Variants in TVP23C observed in about 807,000 individuals in gnomAD.
TVP23C encodes trans-golgi network vesicle protein 23 homolog C, also known as Golgi apparatus membrane protein TVP23 homolog C.
Under a neutral mutation model 28.7 loss-of-function variants are expected in TVP23C, and 19 were observed. The observed-to-expected ratio is 0.66, with a 90% CI of 0.46 to 0.97. The LOEUF is 0.97. Ranked by LOEUF, TVP23C falls within the 50% of genes least tolerant of loss-of-function variation. The pLI is 0.00. For missense variants in TVP23C, 186 were observed against 241.3 expected, an observed-to-expected ratio of 0.77 and a Z score of 1.52; for synonymous variants, 68 against 81.7, an observed-to-expected ratio of 0.83 and a Z score of 0.90.
At chr17:15,508,085 A>G (rs563968589) in intron 5 of TVP23C, among the ~76,000 whole-genome samples, 2 of 152,276 alleles carry the variant, frequency 1.3e-5, no homozygotes, top group South Asian at 4.1e-4. Context: ...GACCTTTGTA[A>G]ATACTTGTGG....
At position 15,520,368 on chromosome 17, in the gene TVP23C, G is replaced by A. The variant is rs1006036732; in HGVS notation, c.463-17136C>T. Among the ~76,000 whole-genome samples, 8 of 147,880 alleles carry A rather than the reference G, an allele frequency of 5.4e-5. No individual in the cohort carries two copies. The East Asian group carries it at 9.7e-4, about 18-fold the overall frequency. On this transcript the variant is annotated intron_variant, in intron 5 of 5. Transcript: ENST00000225576. The stretch of plus-strand genomic sequence containing the variant: ...ATGACATGGTTTCAGATCACCTAAC[G>A]TCCTCTGGGTTCCCTTTTTTGGGTC...
At chr17:15,551,669 T>C (rs1357090010) in intron 3 of TVP23C, among the ~76,000 whole-genome samples, 3 of 61,602 alleles carry the variant, frequency 4.9e-5, no homozygotes, top group Admixed American at 5.1e-4. Context: ...CATTATGAGA[T>C]TTTTTTGTGT....
Position 15,538,292 on chromosome 17 carries a change from A to G in TVP23C, c.*2120T>C, listed in dbSNP as rs1312301221. ...TTACATACAATGGCCCAATCACATT[A>G]AAAAGTAGACATGCTAGGCTGGGCG... On this transcript the variant is annotated 3_prime_UTR_variant, in exon 6 of 6. Coordinates refer to ENST00000518321, the MANE Select transcript of TVP23C (RefSeq NM_001135036.2). The G allele has an allele frequency of 2.1e-6, 3 of 1,462,418 alleles. No individual in the cohort carries two copies. Among genetic ancestry groups the G allele is most frequent in the African/African-American group, 2.9e-5 (2 of 69,840 alleles). 90.6% of individuals were successfully genotyped at this position (1,462,418 alleles called of 1,614,324 possible). A position where few individuals can be genotyped will look rare whatever the true frequency, so the allele number is the denominator to read the frequency against.
rs545501741 is a variant in TVP23C at position 15,530,537 on chromosome 17, C to T, written c.462+15248G>A. Among the ~76,000 whole-genome samples, 11 of 152,266 alleles carry T rather than the reference C, an allele frequency of 7.2e-5. No homozygotes were observed. In the East Asian group the frequency reaches 2.1e-3, roughly 29 times the overall value. On this transcript the variant is annotated intron_variant, in intron 5 of 5. Coordinates refer to the TVP23C transcript ENST00000225576. ...TGCTTTATGTAGTTGTCTTTTAGGTCAGACAGGAAAAGAATTACAAACAAA... is the reference window on the plus strand; with the variant it reads ...TGCTTTATGTAGTTGTCTTTTAGGTTAGACAGGAAAAGAATTACAAACAAA...
At chr17:15,544,303 G>A (rs1983548578) in intron 5 of TVP23C, among the ~76,000 whole-genome samples, 1 of 152,304 alleles carries the variant, frequency 6.6e-6, no homozygotes, top group South Asian at 2.1e-4. Flanking sequence ...AAAAGGAGAA[G>A]CTGCAATAAG....
chr17:15,526,979 C>G (rs535568747), intron 5 of TVP23C, among the ~76,000 whole-genome samples: 20 of 152,310 alleles, frequency 1.3e-4, no homozygotes, highest in African/African-American at 4.6e-4. Flanking sequence ...AGTTCCTGCA[C>G]TAGGCCCCAG....
intron 5 of TVP23C, among the ~76,000 whole-genome samples, chr17:15,520,889 T>C (rs990600611): frequency 9.9e-5 from 15 of 151,484 alleles, no homozygotes; most frequent in Non-Finnish European, 1.0e-4. Flanking sequence ...TCCCAAAATA[T>C]CTACACAAAA....
In TVP23C at chr17:15,560,430, G is replaced by A. The variant is rs753367298; in HGVS notation, c.12+3007C>T. On this transcript the variant is annotated intron_variant, in intron 1 of 5. Transcript: ENST00000518321. ...GAGCAGTTCCAGTACAGTTGGGAGA[G>A]GGGAAGAGAGACTGACTAGAATGAA... Among the ~76,000 whole-genome samples the A allele has an allele frequency of 6.0e-5, 9 of 149,560 alleles. 1 individual carries two copies. Among genetic ancestry groups the A allele is most frequent in the Non-Finnish European group, 9.0e-5 (6 of 66,836 alleles).
At position 15,544,070 on chromosome 17, in the gene TVP23C, T is replaced by TA. The variant is rs879918055; in HGVS notation, c.462+1714dup. Among the ~76,000 whole-genome samples the TA allele has an allele frequency of 3.5e-3, 501 of 143,666 alleles. 3 individuals carry two copies. The highest frequency in any genetic ancestry group is 0.011 in the African/African-American group (445 of 39,334). The allele number at this position is 143,666 out of a possible 152,430, so 94.3% of individuals were successfully genotyped here. A position where few individuals can be genotyped will look rare whatever the true frequency, so the allele number is the denominator to read the frequency against. ...ACAAATACATCTGGGTTACATGAAC[T>TA]AAAAAAAAAAACACCTTATGAGGAG... On this transcript the variant is annotated intron_variant, in intron 5 of 5. Transcript: ENST00000518321.
chr17:15,561,626 G>GAATAAATA (rs1223180108), intron 1 of TVP23C, among the ~76,000 whole-genome samples: 281 of 126,894 alleles, frequency 2.2e-3, no homozygotes, highest in East Asian at 6.2e-3. Context: ...ATGAATGAAT[G>GAATAAATA]AATGAATAAA....
intron 5 of TVP23C, among the ~76,000 whole-genome samples, chr17:15,519,058 A>G (rs754897327): frequency 5.3e-5 from 8 of 151,944 alleles, no homozygotes; most frequent in Non-Finnish European, 8.8e-5. Flanking sequence ...CCCTTCACCT[A>G]CCACCATGAC....
downstream of TVP23C, among the ~76,000 whole-genome samples, chr17:15,532,240 T>C (rs2532480): frequency 6.6e-6 from 1 of 152,226 alleles, no homozygotes; most frequent in Non-Finnish European, 1.5e-5. Context: ...CTATTTAAAT[T>C]ATTGCCACCA....
At chr17:15,548,182 T>C (rs1392643055) in intron 3 of TVP23C, among the ~76,000 whole-genome samples, 1 of 152,204 alleles carries the variant, frequency 6.6e-6, no homozygotes, top group Non-Finnish European at 1.5e-5. Context: ...TTTTTTGTTT[T>C]TGAGACAGAG....
intron 5 of TVP23C, among the ~76,000 whole-genome samples, chr17:15,545,270 G>A (rs1983592138): frequency 6.6e-6 from 1 of 152,114 alleles, no homozygotes; most frequent in Admixed American, 6.6e-5. Flanking sequence ...CCACCATGAG[G>A]CCACCATGCC....
At chr17:15,554,897 T>G (rs1485810800) in intron 2 of TVP23C, among the ~76,000 whole-genome samples, 2 of 152,246 alleles carry the variant, frequency 1.3e-5, no homozygotes, top group African/African-American at 2.4e-5. Context: ...TAGAATTTGC[T>G]TTCGATAAGT....
Position 15,556,712 on chromosome 17 carries a change from C to T in TVP23C, c.13-1348G>A, listed in dbSNP as rs150427258. Among the ~76,000 whole-genome samples, 559 of 152,242 alleles carry T rather than the reference C, an allele frequency of 3.7e-3. 6 individuals carry two copies. Among genetic ancestry groups the T allele is most frequent in the Admixed American group, 0.016 (238 of 15,286 alleles). ...CTCAATTCACTGCAATTCCCCTCAA[C>T]TACAACAAACCTGATCCTGTTCCTC... is the stretch of plus-strand genomic sequence containing the variant. On this transcript the variant is annotated intron_variant, in intron 1 of 5. Transcript: ENST00000518321.
intron 5 of TVP23C, among the ~76,000 whole-genome samples, chr17:15,545,509 T>C (rs1459528754): frequency 3.9e-5 from 6 of 152,304 alleles, no homozygotes; most frequent in Admixed American, 3.3e-4. Flanking sequence ...GGGTGATTTG[T>C]TAGGCAGCAA....
At chr17:15,523,108 C>A (rs1196748147) in intron 5 of TVP23C, among the ~76,000 whole-genome samples, 2 of 151,470 alleles carry the variant, frequency 1.3e-5, no homozygotes, top group Non-Finnish European at 2.9e-5. Flanking sequence ...CTCCCGGGTT[C>A]AAGTGATTCT....
At chr17:15,527,324 C>T (rs147440587) in intron 5 of TVP23C, among the ~76,000 whole-genome samples, 12 of 152,238 alleles carry the variant, frequency 7.9e-5, no homozygotes, top group African/African-American at 2.6e-4. Flanking sequence ...TAAAGTTTTA[C>T]TTCTATCATC....
Sources: allele counts gnomAD v4.1 joint callset (sites outside exome capture counted in the v4.1 genomes callset), GRCh38; gene constraint gnomAD v4.1.1; transcripts MANE v1.5; gene names NCBI Gene and HGNC (gene_info 2026-07-23, HGNC 2026-07-21).